Variants in CTNNA2 observed in about 807,000 individuals in gnomAD.
CTNNA2 encodes catenin alpha 2, also known as catenin alpha-2.
A neutral mutation model predicts 101.0 loss-of-function variants in CTNNA2; 42 were observed. The observed-to-expected ratio is 0.42, with a 90% CI of 0.32 to 0.54. CTNNA2 has a LOEUF of 0.54. Ranked by LOEUF, CTNNA2 falls within the 20% of genes least tolerant of loss-of-function variation. The probability of loss-of-function intolerance (pLI) is 0.14; values close to 1 mark genes in which losing one functional copy is unlikely to be tolerated. For synonymous variants in CTNNA2, 450 were observed against 456.4 expected, an observed-to-expected ratio of 0.99 and a Z score of 0.18; for missense variants, 871 against 1,223.1, an observed-to-expected ratio of 0.71 and a Z score of 4.29.
At chr2:79,353,719 CTTG>C (rs1246128607) in intron 3 of CTNNA2, among the ~76,000 whole-genome samples, 2 of 151,972 alleles carry the variant, frequency 1.3e-5, no homozygotes, top group East Asian at 3.9e-4. Context: ...GTGTCGTTAG[CTTG>C]TTGTTTTATA....
intron 9 of CTNNA2, among the ~76,000 whole-genome samples, chr2:80,520,471 C>T (rs1032015792): frequency 6.6e-6 from 1 of 152,114 alleles, no homozygotes; most frequent in African/African-American, 2.4e-5. Context: ...AAGTCCTAAA[C>T]AACAGAAATG....
intron 18 of CTNNA2, among the ~76,000 whole-genome samples, chr2:80,623,550 G>A (rs1005298772): frequency 2.0e-5 from 3 of 151,876 alleles, no homozygotes; most frequent in African/African-American, 7.2e-5. Flanking sequence ...GGTTGGTGTT[G>A]GACATCAAAG....
At chr2:80,183,997 A>G (rs1422412270) in intron 7 of CTNNA2, among the ~76,000 whole-genome samples, 1 of 152,090 alleles carries the variant, frequency 6.6e-6, no homozygotes, top group African/African-American at 2.4e-5. Context: ...TTGAACAACT[A>G]AAAGTCATTC....
intron 7 of CTNNA2, among the ~76,000 whole-genome samples, chr2:79,950,568 T>C (rs1053664007): frequency 6.6e-6 from 1 of 152,240 alleles, no homozygotes; most frequent in Non-Finnish European, 1.5e-5. Context: ...CTGTAAAGAA[T>C]GTTTACTGAC....
At chr2:80,152,476 G>A (rs1044454980) in intron 7 of CTNNA2, among the ~76,000 whole-genome samples, 6 of 152,154 alleles carry the variant, frequency 3.9e-5, no homozygotes, top group African/African-American at 1.4e-4. Context: ...CATGCACTCT[G>A]ATGCCAAGCT....
chr2:80,544,469 C>G (rs1229478413), intron 9 of CTNNA2, among the ~76,000 whole-genome samples: 3 of 151,976 alleles, frequency 2.0e-5, no homozygotes, highest in Non-Finnish European at 4.4e-5. Flanking sequence ...AACAGCTGGC[C>G]TCTAATAATA....
intron 9 of CTNNA2, among the ~76,000 whole-genome samples, chr2:80,475,363 T>G (rs1046146697): frequency 6.6e-6 from 1 of 152,164 alleles, no homozygotes; most frequent in Admixed American, 6.6e-5. Flanking sequence ...TGCTAATAAC[T>G]GCTGATTTAA....
intron 7 of CTNNA2, among the ~76,000 whole-genome samples, chr2:80,257,530 T>C (rs1302762226): frequency 6.6e-6 from 1 of 152,216 alleles, no homozygotes; most frequent in Non-Finnish European, 1.5e-5. Flanking sequence ...GGACTTTTCA[T>C]CATATTCTGT....
chr2:80,364,616 C>G (rs1185073765), intron 7 of CTNNA2, among the ~76,000 whole-genome samples: 1 of 123,132 alleles, frequency 8.1e-6, no homozygotes, highest in East Asian at 2.8e-4. Context: ...TAATGATTTA[C>G]TTGATTTAAG....
intron 4 of CTNNA2, among the ~76,000 whole-genome samples, chr2:79,485,964 G>A (rs548083553): frequency 4.6e-5 from 7 of 152,196 alleles, no homozygotes; most frequent in South Asian, 4.1e-4. Context: ...GATGACCATC[G>A]TGTAAGTGGA....
intron 2 of CTNNA2, among the ~76,000 whole-genome samples, chr2:79,263,789 G>C (rs1275191630): frequency 6.6e-6 from 1 of 152,158 alleles, no homozygotes; most frequent in Non-Finnish European, 1.5e-5. Context: ...GCAGCAGGAA[G>C]GGTCTCCCCA....
intron 7 of CTNNA2, among the ~76,000 whole-genome samples, chr2:80,175,425 C>G (rs1261716284): frequency 2.6e-5 from 4 of 152,104 alleles, no homozygotes; most frequent in African/African-American, 9.7e-5. Context: ...GTGTCTAGCC[C>G]AATGCCTTTT....
chr2:80,610,395 G>C (rs1284455206), intron 17 of CTNNA2, among the ~76,000 whole-genome samples: 3 of 151,622 alleles, frequency 2.0e-5, no homozygotes, highest in Non-Finnish European at 4.4e-5. Context: ...CAATGATTTT[G>C]CCAAGAAAAT....
intron 9 of CTNNA2, among the ~76,000 whole-genome samples, chr2:80,530,284 A>C (rs563121277): frequency 6.6e-6 from 1 of 152,164 alleles, no homozygotes; most frequent in Non-Finnish European, 1.5e-5. Context: ...TGGAAATATT[A>C]GATTTCAGAG....
chr2:79,252,137 T>G (rs1253238065), intron 2 of CTNNA2, among the ~76,000 whole-genome samples: 1 of 152,204 alleles, frequency 6.6e-6, no homozygotes, highest in Non-Finnish European at 1.5e-5. Flanking sequence ...CTTATCTTTA[T>G]GCCTGAAATG....
At chr2:80,093,878 T>G (rs1699961951) in intron 7 of CTNNA2, among the ~76,000 whole-genome samples, 1 of 152,122 alleles carries the variant, frequency 6.6e-6, no homozygotes, top group East Asian at 1.9e-4. Flanking sequence ...TAAATTTGTT[T>G]GAGTTCATTG....
chr2:80,262,787 T>G (rs1672709763), intron 7 of CTNNA2, among the ~76,000 whole-genome samples: 1 of 152,114 alleles, frequency 6.6e-6, no homozygotes. Context: ...AGTTCCTATA[T>G]TATGCCTACA....
chr2:79,752,895 G>T (rs530075866), intron 3 of CTNNA2, among the ~76,000 whole-genome samples: 194 of 152,262 alleles, frequency 1.3e-3, no homozygotes, highest in South Asian at 8.7e-3. Flanking sequence ...GACAGTTCAG[G>T]GTTGCATGAA....
intron 2 of CTNNA2, among the ~76,000 whole-genome samples, chr2:79,695,947 G>C (rs917179629): frequency 6.6e-6 from 1 of 151,988 alleles, no homozygotes; most frequent in African/African-American, 2.4e-5. Flanking sequence ...AGGCAGCATT[G>C]ATGGCTAAAC....
Sources: allele counts gnomAD v4.1 joint callset (sites outside exome capture counted in the v4.1 genomes callset), GRCh38; gene constraint gnomAD v4.1.1; transcripts MANE v1.5; gene names NCBI Gene and HGNC (gene_info 2026-07-23, HGNC 2026-07-21).